The following CA1 variants were observed in gnomAD, a reference collection of about 807,000 sequenced individuals.
The protein encoded by CA1 is carbonic anhydrase 1, also known as carbonate dehydratase I.
Under a neutral mutation model 28.8 loss-of-function variants are expected in CA1, and 27 were observed. The observed-to-expected ratio is 0.94, with a 90% confidence interval of 0.69 to 1.29. The LOEUF (loss-of-function observed/expected upper bound fraction) is 1.29. CA1 is among the 50% of genes most tolerant of loss of function. The pLI, the probability that CA1 is intolerant of heterozygous loss-of-function variation, is 0.00. For synonymous variants in CA1, 121 were observed against 108.8 expected (o/e 1.11, Z -0.70); for missense variants, 335 against 310.5 (o/e 1.08, Z -0.59).
intron 1 of CA1, among the ~76,000 whole-genome samples, chr8:85,362,066 A>AGGGGTTGGC (rs1809818632): frequency 6.6e-6 from 1 of 152,156 alleles, no homozygotes; most frequent in African/African-American, 2.4e-5. Flanking sequence ...GCTAAAATCA[A>AGGGGTTGGC]GGGGTTGGCA....
chr8:85,345,107 T>C (rs1000996426), intron 1 of CA1, among the ~76,000 whole-genome samples: 2 of 152,120 alleles, frequency 1.3e-5, no homozygotes, highest in Non-Finnish European at 2.9e-5. Context: ...GCAGGATGGG[T>C]TATCTGGATT....
chr8:85,332,298 C>A (rs1300030978), intron 6 of CA1, 192 bp downstream of exon 6: 1 of 565,432 alleles, frequency 1.8e-6, no homozygotes, highest in Admixed American at 3.1e-5. Flanking sequence ...CTATGAAAAA[C>A]AGAAAACCAA....
chr8:85,354,015 T>A (rs1251019915), intron 1 of CA1, among the ~76,000 whole-genome samples: 1 of 151,940 alleles, frequency 6.6e-6, no homozygotes, highest in Non-Finnish European at 1.5e-5. Context: ...CATGCTGGAG[T>A]GCAGTGATGT....
chr8:85,357,078 G>A (rs1362219107), intron 1 of CA1, among the ~76,000 whole-genome samples: 1 of 152,082 alleles, frequency 6.6e-6, no homozygotes, highest in Non-Finnish European at 1.5e-5. Flanking sequence ...TATTTTTGGA[G>A]CAAATGTATG....
chr8:85,366,458 A>G (rs1012258840), intron 1 of CA1, among the ~76,000 whole-genome samples: 1 of 152,232 alleles, frequency 6.6e-6, no homozygotes, highest in Non-Finnish European at 1.5e-5. Context: ...TTAGAAAAAC[A>G]TAGATCAAAA....
chr8:85,327,622 C>T lies in CA1; in HGVS notation c.*938G>A, dbSNP rs1393624679. ...GCTATGATCACACCATCGCACTCCA[C>T]CCTGACTGGCAGAGTGAGACCTTGT... On this transcript the variant is annotated 3_prime_UTR_variant, in exon 8 of 8. Transcript: ENST00000523022. The T allele has an allele frequency of 2.6e-5, 4 of 152,166 alleles. No individual in the cohort carries two copies. The highest frequency in any genetic ancestry group is 4.8e-5 in the African/African-American group (2 of 41,430). The allele number at this position is 152,166 out of a possible 1,614,324, so 9.4% of individuals were successfully genotyped here.
chr8:85,348,433 A>T (rs1350224166), intron 1 of CA1, among the ~76,000 whole-genome samples: 1 of 152,134 alleles, frequency 6.6e-6, no homozygotes, highest in Non-Finnish European at 1.5e-5. Context: ...CCTGCAGGAG[A>T]TTGTCATTTT....
intron 1 of CA1, among the ~76,000 whole-genome samples, chr8:85,353,474 C>G (rs372324618): frequency 2.0e-5 from 3 of 152,254 alleles, no homozygotes; most frequent in South Asian, 4.1e-4. Context: ...TATAACTGCA[C>G]GTATTATTTT....
At chr8:85,344,227 CAG>C (rs1330679447) in intron 1 of CA1, among the ~76,000 whole-genome samples, 3,263 of 85,934 alleles carry the variant, frequency 0.038, 234 homozygotes, top group African/African-American at 0.11. Flanking sequence ...ATATTATATA[CAG>C]TATATAATAT....
chr8:85,366,008 G>A (rs1809991172), intron 1 of CA1, among the ~76,000 whole-genome samples: 1 of 152,144 alleles, frequency 6.6e-6, no homozygotes, highest in South Asian at 2.1e-4. Context: ...ATGTCTCTCA[G>A]TCTTTGGAGA....
chr8:85,345,586 T>C (rs915825349), intron 1 of CA1, among the ~76,000 whole-genome samples: 1 of 152,216 alleles, frequency 6.6e-6, no homozygotes, highest in African/African-American at 2.4e-5. Flanking sequence ...GAGAGAATAA[T>C]TAAATGGTCA....
At chr8:85,368,134 T>C (rs1810079956) in intron 1 of CA1, among the ~76,000 whole-genome samples, 1 of 151,600 alleles carries the variant, frequency 6.6e-6, no homozygotes, top group Non-Finnish European at 1.5e-5. Flanking sequence ...AATTTTAAAA[T>C]TAAAAAATTA....
chr8:85,349,068 A>G (rs1296783374), intron 1 of CA1, among the ~76,000 whole-genome samples: 4 of 152,230 alleles, frequency 2.6e-5, no homozygotes, highest in Admixed American at 6.5e-5. Flanking sequence ...AAATGGAATG[A>G]TTACAAGTGC....
chr8:85,372,654 C>T (rs549860915), intron 1 of CA1, among the ~76,000 whole-genome samples: 30 of 152,288 alleles, frequency 2.0e-4, no homozygotes, highest in African/African-American at 7.0e-4. Context: ...CTTTGCTTTC[C>T]TCTGTTTCAG....
intron 6 of CA1, chr8:85,332,227 T>A: frequency 3.0e-6 from 1 of 332,688 alleles, no homozygotes; most frequent in South Asian, 6.1e-5. Context: ...CAAGCAAATT[T>A]AAATGGCTAT....
intron 1 of CA1, among the ~76,000 whole-genome samples, chr8:85,357,367 C>T (rs767112434): frequency 4.6e-5 from 7 of 152,206 alleles, no homozygotes; most frequent in African/African-American, 1.4e-4. Flanking sequence ...TTTTAATCCT[C>T]GGATTTATTG....
At chr8:85,363,822 A>G (rs540794870) in intron 1 of CA1, among the ~76,000 whole-genome samples, 69 of 152,158 alleles carry the variant, frequency 4.5e-4, no homozygotes, top group Non-Finnish European at 8.2e-4. Context: ...TGGTCAGGGA[A>G]TTTTCAACAG....
chr8:85,337,959 G>T, intron 3 of CA1: 5 of 503,716 alleles, frequency 9.9e-6, no homozygotes, highest in South Asian at 9.6e-5. Context: ...GACCTTTCTG[G>T]ATAAATGCTG....
chr8:85,348,246 A>G (rs958207297), intron 1 of CA1, among the ~76,000 whole-genome samples: 4 of 151,978 alleles, frequency 2.6e-5, no homozygotes, highest in African/African-American at 9.7e-5. Flanking sequence ...CAGTGAATAA[A>G]TTTTTTTTCA....
Sources: allele counts gnomAD v4.1 joint callset (sites outside exome capture counted in the v4.1 genomes callset), GRCh38; gene constraint gnomAD v4.1.1; transcripts MANE v1.5; gene names NCBI Gene and HGNC (gene_info 2026-07-23, HGNC 2026-07-21).